SH3BGRL2: variants seen among roughly 807,000 people sequenced by gnomAD.
SH3BGRL2 encodes the protein SH3 domain binding glutamate rich protein like 2.
Under a neutral mutation model 14.8 loss-of-function variants are expected in SH3BGRL2, and 21 were observed. The observed-to-expected ratio is 1.42, with a 90% CI of 1.01 to 2.05. The LOEUF (loss-of-function observed/expected upper bound fraction) is 2.05. Ranked by LOEUF, SH3BGRL2 falls within the 30% of genes most tolerant of loss-of-function variation. The pLI is 0.00. For synonymous variants in SH3BGRL2, 50 were observed against 47.8 expected (o/e 1.05, Z -0.19); for missense variants, 147 against 130.8 (o/e 1.12, Z -0.61).
chr6:79,582,162 C>T, the SH3BGRL2 span, among the ~76,000 whole-genome samples: 1 of 152,200 alleles, frequency 6.6e-6, no homozygotes, highest in East Asian at 1.9e-4. Context: ...AAGGATATTC[C>T]ATGCTCATGG....
At chr6:79,575,999 T>C in the SH3BGRL2 span, among the ~76,000 whole-genome samples, 1 of 152,138 alleles carries the variant, frequency 6.6e-6, no homozygotes, top group African/African-American at 2.4e-5. Flanking sequence ...ATTTTTGCCC[T>C]TTTAGTAATT....
chr6:79,561,104 TC>T, the SH3BGRL2 span: 6 of 151,758 alleles, frequency 4.0e-5, no homozygotes, highest in African/African-American at 7.3e-5. Context: ...GGTCTCGAAC[TC>T]CCAACCTCAG....
the SH3BGRL2 span, among the ~76,000 whole-genome samples, chr6:79,568,928 A>G: frequency 6.6e-6 from 1 of 152,290 alleles, no homozygotes; most frequent in Non-Finnish European, 1.5e-5. Flanking sequence ...GTGTCAATGG[A>G]AAGAGTCAAA....
chr6:79,583,435 T>C, the SH3BGRL2 span, among the ~76,000 whole-genome samples: 98 of 152,274 alleles, frequency 6.4e-4, 1 homozygote, highest in South Asian at 2.5e-3. Flanking sequence ...ATATACACCA[T>C]GGAATACTAT....
chr6:79,698,110 T>C (rs1432907676), intron 3 of SH3BGRL2, among the ~76,000 whole-genome samples: 1 of 152,190 alleles, frequency 6.6e-6, no homozygotes, highest in Non-Finnish European at 1.5e-5. Context: ...GTGAGGGCCC[T>C]GGACACTGCC....
chr6:79,598,340 T>G, the SH3BGRL2 span, among the ~76,000 whole-genome samples: 1 of 152,192 alleles, frequency 6.6e-6, no homozygotes, highest in African/African-American at 2.4e-5. Flanking sequence ...AGAAACAATC[T>G]ATGTGTTGTA....
At chr6:79,565,040 T>TAGGA in the SH3BGRL2 span, among the ~76,000 whole-genome samples, 1 of 152,170 alleles carries the variant, frequency 6.6e-6, no homozygotes, top group Non-Finnish European at 1.5e-5. Context: ...CAAACCTACT[T>TAGGA]AGGAAGGAAG....
chr6:79,596,469 T>A, the SH3BGRL2 span, among the ~76,000 whole-genome samples: 57 of 152,228 alleles, frequency 3.7e-4, no homozygotes, highest in East Asian at 3.1e-3. Context: ...TTGTTAAAAA[T>A]TTTTTTGTAG....
chr6:79,622,867 G>C, the SH3BGRL2 span, among the ~76,000 whole-genome samples: 13 of 152,296 alleles, frequency 8.5e-5, no homozygotes, highest in Admixed American at 7.8e-4. Context: ...TACTGATAGA[G>C]AGCAAGTGTT....
the SH3BGRL2 span, among the ~76,000 whole-genome samples, chr6:79,572,754 T>C: frequency 8.9e-4 from 135 of 152,292 alleles, no homozygotes; most frequent in East Asian, 2.9e-3. Context: ...CGTGAGCCAC[T>C]GCGCCTGGCC....
At chr6:79,597,284 AAGAAAGAG>A in the SH3BGRL2 span, among the ~76,000 whole-genome samples, 8 of 148,072 alleles carry the variant, frequency 5.4e-5, no homozygotes, top group East Asian at 1.9e-4. Context: ...GAGAGAGAGA[AAGAAAGAG>A]AGAAAGAGAG....
chr6:79,661,098 T>A (rs1399765257), intron 1 of SH3BGRL2, among the ~76,000 whole-genome samples: 2 of 152,154 alleles, frequency 1.3e-5, no homozygotes, highest in African/African-American at 4.8e-5. Context: ...GATTCATTGA[T>A]TTTTTGAAGG....
intron 1 of SH3BGRL2, among the ~76,000 whole-genome samples, chr6:79,661,780 G>T (rs982569823): frequency 1.3e-5 from 2 of 152,046 alleles, no homozygotes; most frequent in Admixed American, 6.5e-5. Context: ...CTCTTTGTAG[G>T]TCTCTAAGGA....
the SH3BGRL2 span, among the ~76,000 whole-genome samples, chr6:79,556,551 T>C: frequency 6.6e-6 from 1 of 152,062 alleles, no homozygotes; most frequent in African/African-American, 2.4e-5. Flanking sequence ...ATTCTTATAC[T>C]CTTTGGGAGT....
the SH3BGRL2 span, among the ~76,000 whole-genome samples, chr6:79,557,178 T>A: frequency 6.6e-6 from 1 of 151,808 alleles, no homozygotes; most frequent in South Asian, 2.1e-4. Context: ...TTATATAGAT[T>A]TCAACAAATT....
the SH3BGRL2 span, among the ~76,000 whole-genome samples, chr6:79,545,805 A>G: frequency 6.6e-6 from 1 of 152,212 alleles, no homozygotes; most frequent in Non-Finnish European, 1.5e-5. Context: ...GAAAGAGAAA[A>G]GCTAAGCCTG....
At chr6:79,650,478 T>A (rs1265782527) in intron 1 of SH3BGRL2, among the ~76,000 whole-genome samples, 1 of 152,188 alleles carries the variant, frequency 6.6e-6, no homozygotes. Context: ...GATTTATTTG[T>A]CTCACAGTTC....
the SH3BGRL2 span, among the ~76,000 whole-genome samples, chr6:79,598,161 G>A: frequency 6.6e-6 from 1 of 152,190 alleles, no homozygotes; most frequent in East Asian, 1.9e-4. Context: ...AAATGGTGCA[G>A]CGACTTTGGA....
the SH3BGRL2 span, among the ~76,000 whole-genome samples, chr6:79,538,018 GTTTTTTTTTTTTTTTT>G: frequency 8.4e-4 from 37 of 44,164 alleles, 1 homozygote; most frequent in East Asian, 1.6e-3. Flanking sequence ...TTGCACACAA[GTTTTTTTTTTTTTTTT>G]TTTTTTTTTT....
Sources: allele counts gnomAD v4.1 joint callset (sites outside exome capture counted in the v4.1 genomes callset), GRCh38; gene constraint gnomAD v4.1.1; transcripts MANE v1.5; gene names NCBI Gene and HGNC (gene_info 2026-07-23, HGNC 2026-07-21).